MAP1B: variants seen among roughly 807,000 people sequenced by gnomAD.
MAP1B encodes the protein microtubule associated protein 1B.
A neutral mutation model predicts 176.1 loss-of-function variants in MAP1B; 12 were observed. That is an observed-to-expected ratio of 0.07 (90% CI 0.04 to 0.11). The LOEUF is 0.11. MAP1B is among the 10% of genes least tolerant of loss of function. MAP1B has a pLI of 1.00. For missense variants in MAP1B, 2,523 were observed against 2,990.5 expected, an observed-to-expected ratio of 0.84 and a Z score of 3.65; for synonymous variants, 1,044 against 1,135.0, an observed-to-expected ratio of 0.92 and a Z score of 1.61.
Position 72,197,983 on chromosome 5 carries a change from A to T in MAP1B, c.4628A>T (p.Tyr1543Phe), listed in dbSNP as rs1244506693. The change falls in exon 5 of 7, where the codon TAC (tyrosine) becomes TTC (phenylalanine). Residue 1543 changes from tyrosine (Y) to phenylalanine (F), a missense_variant. This residue lies in a region of MAP1B where 1,925 missense variants were observed against 2,126.0 expected (regional missense o/e 0.91). Transcript: ENST00000296755. ...PVDEGVAEDT[Y>F]SHMEGVASVS... Reference sequence around the variant, plus strand: ...GATGAGGGCGTAGCAGAAGACACGTACTCTCATATGGAGGGTGTGGCCTCA... The same window carrying T: ...GATGAGGGCGTAGCAGAAGACACGTTCTCTCATATGGAGGGTGTGGCCTCA... 3 of 1,614,114 alleles carry T rather than the reference A, an allele frequency of 1.9e-6. No individual in the cohort carries two copies. In the East Asian group the frequency reaches 6.7e-5, roughly 36 times the overall value.
chr5:72,190,161 A>C (rs749736885), intron 4 of MAP1B, among the ~76,000 whole-genome samples: 4 of 152,238 alleles, frequency 2.6e-5, no homozygotes, highest in Non-Finnish European at 5.9e-5. Context: ...TCTTCTATTA[A>C]AGAAGTCTAA....
At chr5:72,133,685 C>G (rs568911661) in intron 2 of MAP1B, among the ~76,000 whole-genome samples, 1 of 152,138 alleles carries the variant, frequency 6.6e-6, no homozygotes, top group African/African-American at 2.4e-5. Flanking sequence ...AATAACAATG[C>G]TTTTACAAAA....
chr5:72,123,426 C>A (rs1045950590), intron 2 of MAP1B, among the ~76,000 whole-genome samples: 4 of 151,894 alleles, frequency 2.6e-5, no homozygotes, highest in African/African-American at 9.7e-5. Context: ...GTCTCAGCCT[C>A]TGAAATAGCT....
chr5:72,179,472 G>A (rs1303868983), intron 2 of MAP1B, among the ~76,000 whole-genome samples: 1 of 152,222 alleles, frequency 6.6e-6, no homozygotes, highest in Non-Finnish European at 1.5e-5. Context: ...CAGAATGCCT[G>A]GCCCGTTTCC....
At chr5:72,179,491 A>C in intron 2 of MAP1B, 1 of 394,794 alleles carries the variant, frequency 2.5e-6, no homozygotes, top group Non-Finnish European at 3.4e-6. Context: ...CCCAGTGTGA[A>C]ACATTCCCCA....
intron 2 of MAP1B, among the ~76,000 whole-genome samples, chr5:72,132,567 T>G (rs1475425892): frequency 6.6e-6 from 1 of 152,200 alleles, no homozygotes; most frequent in Non-Finnish European, 1.5e-5. Flanking sequence ...TGCTCTTGAG[T>G]GCCTTAAATG....
At position 72,197,513 on chromosome 5, in the gene MAP1B, C is replaced by T; in HGVS notation, c.4158C>T (p.Asp1386=). The T allele has an allele frequency of 6.2e-7, 1 of 1,614,232 alleles. No individual in the cohort carries two copies. Among genetic ancestry groups the T allele is most frequent in the Non-Finnish European group, 8.5e-7 (1 of 1,180,046 alleles). The change falls in exon 5 of 7, where the codon GAC becomes GAT. Residue 1386 remains aspartate (D), a synonymous_variant. Transcript: ENST00000296755. The stretch of plus-strand genomic sequence containing the variant: ...GCCCCATGGATGAGCCCGTGCCTGA[C>T]TCAGAGTCTCCTATTGAAAAAGTTT... ...SVSPMDEPVP[D]SESPIEKVLS... is the part of the protein sequence containing the mutation.
intron 2 of MAP1B, among the ~76,000 whole-genome samples, chr5:72,141,036 C>T (rs561223836): frequency 5.9e-5 from 9 of 152,332 alleles, no homozygotes; most frequent in South Asian, 4.1e-4. Flanking sequence ...CACGTTCACA[C>T]GACTCCATCT....
chr5:72,149,925 G>A (rs150721612), intron 2 of MAP1B, among the ~76,000 whole-genome samples: 382 of 152,316 alleles, frequency 2.5e-3, no homozygotes, highest in Non-Finnish European at 3.7e-3. Flanking sequence ...ACTTGAGTGC[G>A]CCACTGGGAG....
intron 2 of MAP1B, among the ~76,000 whole-genome samples, chr5:72,147,939 C>T (rs1006981861): frequency 5.9e-5 from 9 of 152,064 alleles, no homozygotes; most frequent in Non-Finnish European, 1.0e-4. Context: ...CTATGCAAAG[C>T]GGAGTTCAGG....
chr5:72,130,322 G>A (rs1349808187), intron 2 of MAP1B, among the ~76,000 whole-genome samples: 3 of 152,084 alleles, frequency 2.0e-5, no homozygotes, highest in African/African-American at 7.2e-5. Context: ...AAGAAAAAAG[G>A]AATGCAATTA....
rs1747300127 is a variant in MAP1B at position 72,200,209 on chromosome 5, C to T, written c.6854C>T (p.Ser2285Phe). The change falls in exon 5 of 7, where the codon TCC (serine) becomes TTC (phenylalanine). Residue 2285 changes from serine to phenylalanine, a missense_variant. Coordinates refer to ENST00000296755, the MANE Select transcript of MAP1B (RefSeq NM_005909.5). ...AGLKESSDKV[S>F]RVASPKKKES... ...TTGAAAGAATCCTCGGATAAAGTGTCCAGGGTGGCTTCTCCTAAGAAGAAA... is the reference window on the plus strand; with the variant it reads ...TTGAAAGAATCCTCGGATAAAGTGTTCAGGGTGGCTTCTCCTAAGAAGAAA... The T allele has an allele frequency of 2.5e-6, 4 of 1,614,108 alleles. No individual in the cohort carries two copies. Among genetic ancestry groups the T allele is most frequent in the Non-Finnish European group, 3.4e-6 (4 of 1,180,060 alleles).
At position 72,195,985 on chromosome 5, in the gene MAP1B, T is replaced by G; in HGVS notation, c.2630T>G (p.Val877Gly). The G allele has an allele frequency of 1.2e-6, 2 of 1,614,186 alleles. No homozygotes were observed. ...GAAACTGAGCCAGTCGAAGCCTACG[T>G]CATCCAGAAGGAGAGAGAAGTCACC... is the stretch of plus-strand genomic sequence containing the variant. ...LKETEPVEAYVIQKEREVTKG... is the reference protein window; with the variant it reads ...LKETEPVEAYGIQKEREVTKG... The change falls in exon 5 of 7, where the codon GTC (valine) becomes GGC (glycine). Residue 877 changes from valine (V) to glycine (G), a missense_variant. Val to Gly is a moderately radical substitution (Grantham distance 109). This residue lies in a region of MAP1B where 1,925 missense variants were observed against 2,126.0 expected (regional missense o/e 0.91). Coordinates refer to ENST00000296755, the MANE Select transcript of MAP1B (RefSeq NM_005909.5).
intron 2 of MAP1B, among the ~76,000 whole-genome samples, chr5:72,175,695 AC>A (rs1746639272): frequency 6.6e-6 from 1 of 152,192 alleles, no homozygotes; most frequent in Non-Finnish European, 1.5e-5. Context: ...GGAGAGAAAC[AC>A]CGAAGAGAGG....
chr5:72,132,368 T>C (rs1187078568), intron 2 of MAP1B, among the ~76,000 whole-genome samples: 2 of 152,236 alleles, frequency 1.3e-5, no homozygotes, highest in Admixed American at 1.3e-4. Flanking sequence ...CTTTCCCATG[T>C]GCTCTTATCA....
At chr5:72,180,126 T>C (rs1018093342) in intron 2 of MAP1B, among the ~76,000 whole-genome samples, 1 of 152,172 alleles carries the variant, frequency 6.6e-6, no homozygotes, top group African/African-American at 2.4e-5. Context: ...GCTAGCGGGC[T>C]CAGGGCGTTG....
chr5:72,179,562 G>C, intron 2 of MAP1B: 1 of 961,658 alleles, frequency 1.0e-6, no homozygotes, highest in Admixed American at 6.1e-5. Context: ...CCTGCCGCAG[G>C]AAAGCTGGCA....
intron 5 of MAP1B, 27 bp downstream of exon 5, chr5:72,200,394 T>G: frequency 6.2e-7 from 1 of 1,603,864 alleles, no homozygotes. Context: ...GGGCATTGGA[T>G]ATATGTCACA....
chr5:72,134,514 T>A (rs1217218828), intron 2 of MAP1B, among the ~76,000 whole-genome samples: 3 of 130,030 alleles, frequency 2.3e-5, no homozygotes, highest in Non-Finnish European at 5.3e-5. Flanking sequence ...TTCATTTTCA[T>A]TAAGAAGAAT....
Sources: allele counts gnomAD v4.1 joint callset (sites outside exome capture counted in the v4.1 genomes callset), GRCh38; gene constraint gnomAD v4.1.1; regional missense constraint gnomAD v4.1.1; transcripts MANE v1.5; gene names NCBI Gene and HGNC (gene_info 2026-07-23, HGNC 2026-07-21).